The following RORC variants were observed in gnomAD, a reference collection of about 807,000 sequenced individuals.
RORC encodes the protein nuclear receptor ROR-gamma.
A neutral mutation model predicts 64.5 loss-of-function variants in RORC; 13 were observed. That is an observed-to-expected ratio of 0.20 (90% CI 0.13 to 0.32). The LOEUF is 0.32. RORC is among the 10% of genes least tolerant of loss of function. The pLI, the probability that RORC is intolerant of heterozygous loss-of-function variation, is 1.00. For missense variants in RORC, 468 were observed against 669.5 expected (o/e 0.70, Z 3.32); for synonymous variants, 277 against 259.3 (o/e 1.07, Z -0.65).
At chr1:151,825,239 C>T (rs1481704253) in intron 2 of RORC, among the ~76,000 whole-genome samples, 1 of 152,068 alleles carries the variant, frequency 6.6e-6, no homozygotes, top group Admixed American at 6.5e-5. Context: ...GTGACTGACC[C>T]TGGAGAACCA....
At position 151,816,815 on chromosome 1, in the gene RORC, G is replaced by A. The variant is rs201345613; in HGVS notation, c.157-10C>T. The A allele has an allele frequency of 1.8e-5, 27 of 1,523,588 alleles. No individual in the cohort carries two copies. In the South Asian group the frequency reaches 3.5e-4, roughly 20 times the overall value. 94.4% of individuals were successfully genotyped at this position (1,523,588 alleles called of 1,614,324 possible). On this transcript the variant is annotated splice_polypyrimidine_tract_variant and intron_variant, in intron 3 of 10. Transcript: ENST00000318247. Reference sequence around the variant, plus strand: ...TCCGGCGGAAGAAGCCCTGGGGAAAGCAGGTGGAGGGCAAGACTGCTTATC... The same window carrying A: ...TCCGGCGGAAGAAGCCCTGGGGAAAACAGGTGGAGGGCAAGACTGCTTATC...
chr1:151,823,291 C>T (rs1250251670), intron 2 of RORC, among the ~76,000 whole-genome samples: 3 of 152,166 alleles, frequency 2.0e-5, no homozygotes, highest in Admixed American at 6.5e-5. Flanking sequence ...TCACACCCCT[C>T]GGCCTCCCAC....
chr1:151,825,904 G>A (rs200231898), intron 2 of RORC: 9 of 1,613,096 alleles, frequency 5.6e-6, no homozygotes, highest in Admixed American at 1.7e-5. Flanking sequence ...AGGCTCCCCC[G>A]CCCCCAGGTG....
intron 1 of RORC, 59 bp from the exon 2 acceptor site, chr1:151,829,517 A>T (rs1652327563): frequency 1.4e-6 from 2 of 1,400,390 alleles, no homozygotes; most frequent in South Asian, 3.2e-5. Context: ...GGGCTGAGAC[A>T]CTTTCCCCAC....
chr1:151,831,244 T>C, intron 1 of RORC: 1 of 625,728 alleles, frequency 1.6e-6, no homozygotes, highest in Non-Finnish European at 2.4e-6. Context: ...CCCAAGTCTG[T>C]CACTCCTTAA....
Position 151,815,404 on chromosome 1 carries a change from G to A in RORC, c.320C>T (p.Ser107Phe). The part of the protein sequence containing the change: ...SRDAVKFGRM[S>F]KKQRDSLHAE... ...ATGCAGGCTGTCCCTCTGCTTCTTG[G>A]ACATGCGGCCGAACTTGACAGCTGA... The change falls in exon 5 of 11, where the codon TCC becomes TTC. Residue 107 changes from serine to phenylalanine, a missense_variant. Physicochemically the swap from Ser to Phe is radical, Grantham distance 155 (BLOSUM62 -2). Around this residue, in one of 5 missense-constraint regions of RORC, gnomAD observed 241 missense variants for 295.5 expected, o/e 0.82. Transcript: ENST00000318247. 6.5e-7 allele frequency: 1 copy of A among 1,533,034 alleles called. No homozygotes were observed. The allele number at this position is 1,533,034 out of a possible 1,614,324, so 95.0% of individuals were successfully genotyped here. A position where few individuals can be genotyped will look rare whatever the true frequency, so the allele number is the denominator to read the frequency against.
At chr1:151,820,618 TGAGA>T (rs1281562974) in intron 2 of RORC, among the ~76,000 whole-genome samples, 1 of 152,126 alleles carries the variant, frequency 6.6e-6, no homozygotes, top group Admixed American at 6.5e-5. Context: ...AGCTCTCTCC[TGAGA>T]GAGAGCTTTC....
intron 2 of RORC, among the ~76,000 whole-genome samples, chr1:151,818,223 G>A (rs113544065): frequency 0.012 from 1,818 of 152,226 alleles, 38 homozygotes; most frequent in African/African-American, 0.04. Context: ...CTGTCTTTTC[G>A]GGTACACATT....
In RORC at chr1:151,815,041, C is replaced by T. The variant is rs200978307; in HGVS notation, c.683G>A (p.Arg228Gln). The T allele has an allele frequency of 1.5e-5, 25 of 1,614,244 alleles. No individual in the cohort carries two copies. The East Asian group carries it at 2.2e-4, about 14-fold the overall frequency. The stretch of plus-strand genomic sequence containing the variant: ...GTGTTCCTCAAAACGAAGTCCACAT[C>T]GGTCAGGGGTCAGCTGGCTGCCTGT... Reference protein sequence around the residue: ...YSTGSQLTPDRCGLRFEEHRH... With the variant: ...YSTGSQLTPDQCGLRFEEHRH... The change falls in exon 5 of 11, where the codon CGA becomes CAA. Residue 228 changes from arginine to glutamine, a missense_variant. By Grantham distance (43) the Arg-to-Gln change is conservative. This residue lies in a region of RORC where 241 missense variants were observed against 295.5 expected (regional missense o/e 0.82). Coordinates refer to ENST00000318247, the MANE Select transcript of RORC (RefSeq NM_005060.4).
rs1022907600 is a variant in RORC, at chr1:151,831,138, G to C, written c.40+587C>G. 13 of 1,274,074 alleles carry C rather than the reference G, an allele frequency of 1.0e-5. No homozygotes were observed. In the African/African-American group the frequency reaches 1.7e-4, roughly 16 times the overall value. 78.9% of individuals were successfully genotyped at this position (1,274,074 alleles called of 1,614,324 possible). A position where few individuals can be genotyped will look rare whatever the true frequency, so the allele number is the denominator to read the frequency against. ...GGCCCAGTGCCCCACATTCTCTGCA[G>C]AGATGAAATCCCACATCCCTGGGTG... On this transcript the variant is annotated intron_variant, in intron 1 of 10. Coordinates refer to ENST00000318247, the MANE Select transcript of RORC (RefSeq NM_005060.4).
At chr1:151,811,569 G>A (rs1262876015) in intron 9 of RORC, 135 bp from the exon 10 acceptor site, 6 of 538,894 alleles carry the variant, frequency 1.1e-5, no homozygotes, top group African/African-American at 7.5e-5. Context: ...TGTGTGCCTT[G>A]GTTTGATAAT....
At chr1:151,820,982 T>C (rs1651973135) in intron 2 of RORC, among the ~76,000 whole-genome samples, 1 of 152,218 alleles carries the variant, frequency 6.6e-6, no homozygotes, top group African/African-American at 2.4e-5. Context: ...TAAGACTTCA[T>C]TCTGAGACAA....
intron 9 of RORC, chr1:151,811,970 T>A (rs1052931650): frequency 2.6e-5 from 4 of 152,296 alleles, no homozygotes; most frequent in Admixed American, 2.0e-4. Flanking sequence ...AGACTGATAG[T>A]CTCGATCTGC....
In RORC at chr1:151,818,723, C is replaced by T. The variant is rs540702794; in HGVS notation, c.71-1443G>A. Among the ~76,000 whole-genome samples, 15 of 152,330 alleles carry T rather than the reference C, an allele frequency of 9.8e-5. No homozygotes were observed. The South Asian group carries it at 2.9e-3, about 29-fold the overall frequency. On this transcript the variant is annotated intron_variant, in intron 2 of 10. Transcript: ENST00000318247. ...GAGAAGGGCCAAAGCCCCTTTTAAT[C>T]TATGACGTGTCTCCCACCAAAGGGG...
rs895492030 is a variant in RORC, at chr1:151,816,599, A to G, written c.298+65T>C. ...TTGCAGGTTAAGCCTTGTCTAGCTC[A>G]GCAGGCCAGGCTGCCCCTCTGGAGA... On this transcript the variant is annotated intron_variant, in intron 4 of 10. Coordinates refer to ENST00000318247, the MANE Select transcript of RORC (RefSeq NM_005060.4). The G allele has an allele frequency of 1.1e-5, 17 of 1,493,946 alleles. 1 individual carries two copies. The highest frequency in any genetic ancestry group is 1.8e-6 in the Non-Finnish European group (2 of 1,111,430). 92.5% of individuals were successfully genotyped at this position (1,493,946 alleles called of 1,614,324 possible).
chr1:151,820,078 T>C (rs1651926859), intron 2 of RORC, among the ~76,000 whole-genome samples: 1 of 152,158 alleles, frequency 6.6e-6, no homozygotes. Flanking sequence ...GCTTGTATCC[T>C]GGCCTTTGCC....
At chr1:151,815,806 A>G (rs1301445825) in intron 4 of RORC, among the ~76,000 whole-genome samples, 1 of 152,120 alleles carries the variant, frequency 6.6e-6, no homozygotes, top group East Asian at 1.9e-4. Flanking sequence ...GGAGGGTCGG[A>G]GGAAGAGGAG....
Position 151,829,458 on chromosome 1 carries a change from T to A in RORC, c.41A>T (p.Glu14Val). The change falls in exon 2 of 11, where the codon GAG becomes GTG. Residue 14 changes from glutamate (E) to valine (V), a missense_variant and splice_region_variant. Around this residue, in one of 5 missense-constraint regions of RORC, gnomAD observed 21 missense variants for 20.6 expected, o/e 1.02. Coordinates refer to ENST00000318247, the MANE Select transcript of RORC (RefSeq NM_005060.4). ...APQRQHRASR[E>V]LLAAKKTHTS... is the part of the protein sequence containing the mutation. ...GTGGGTCTTCTTTGCAGCCAGCAGC[T>A]CTGTAAAGACAAGAGAGGGGGTTGA... is the stretch of plus-strand genomic sequence containing the variant. 6.5e-7 allele frequency: 1 copy of A among 1,531,786 alleles called. No individual in the cohort carries two copies. 94.9% of individuals were successfully genotyped at this position (1,531,786 alleles called of 1,614,324 possible).
intron 10 of RORC, among the ~76,000 whole-genome samples, chr1:151,809,858 C>A (rs10494269): frequency 1.3e-5 from 2 of 152,064 alleles, no homozygotes; most frequent in African/African-American, 4.8e-5. Flanking sequence ...AGTAAATTGC[C>A]TAAATGACAG....
Sources: allele counts gnomAD v4.1 joint callset (sites outside exome capture counted in the v4.1 genomes callset), GRCh38; gene constraint gnomAD v4.1.1; regional missense constraint gnomAD v4.1.1; transcripts MANE v1.5; gene names NCBI Gene and HGNC (gene_info 2026-07-23, HGNC 2026-07-21).